Variants in CSMD1 observed in about 807,000 individuals in gnomAD.
The protein encoded by CSMD1 is CUB and Sushi multiple domains 1.
A neutral mutation model predicts 417.5 loss-of-function variants in CSMD1; 213 were observed. That is an observed-to-expected ratio of 0.51 (90% CI 0.46 to 0.57). CSMD1 has a LOEUF of 0.57. Ranked by LOEUF, CSMD1 falls within the 20% of genes least tolerant of loss-of-function variation. The probability of loss-of-function intolerance (pLI) is 0.00; values close to 1 mark genes in which losing one functional copy is unlikely to be tolerated. For synonymous variants in CSMD1, 2,862 were observed against 1,736.8 expected (o/e 1.65, Z -16.11); for missense variants, 6,923 against 4,529.7 (o/e 1.53, Z -15.17).
chr8:3,357,318 T>C (rs953209757), intron 21 of CSMD1, among the ~76,000 whole-genome samples: 2 of 152,220 alleles, frequency 1.3e-5, no homozygotes, highest in African/African-American at 4.8e-5. Context: ...CTCTGTGTCC[T>C]TGGGCAAAGT....
chr8:3,998,892 C>G (rs929778590), intron 4 of CSMD1, among the ~76,000 whole-genome samples: 2 of 148,966 alleles, frequency 1.3e-5, no homozygotes, highest in South Asian at 2.1e-4. Flanking sequence ...AACATATAAT[C>G]TATATGGTAG....
intron 2 of CSMD1, among the ~76,000 whole-genome samples, chr8:4,463,666 C>T (rs191389599): frequency 5.9e-5 from 9 of 152,068 alleles, no homozygotes; most frequent in Non-Finnish European, 1.3e-4. Context: ...CATTTTGTAC[C>T]ATTGCACTTA....
At chr8:3,011,244 G>A (rs1808360441) in intron 52 of CSMD1, among the ~76,000 whole-genome samples, 1 of 152,108 alleles carries the variant, frequency 6.6e-6, no homozygotes, top group South Asian at 2.1e-4. Context: ...CAATGCATTT[G>A]GAAAATCTGA....
At chr8:3,750,065 A>C (rs996972958) in intron 6 of CSMD1, among the ~76,000 whole-genome samples, 4 of 152,158 alleles carry the variant, frequency 2.6e-5, no homozygotes, top group African/African-American at 9.6e-5. Context: ...AAAATTTGGA[A>C]TTTCAAGCTG....
chr8:4,656,894 T>A (rs1383348563), intron 1 of CSMD1, among the ~76,000 whole-genome samples: 2 of 151,900 alleles, frequency 1.3e-5, no homozygotes, highest in Non-Finnish European at 2.9e-5. Context: ...ATCTTATCTG[T>A]CCTAATCCAT....
Position 3,449,520 on chromosome 8 carries a change from ATT to A in CSMD1, c.1561+19190_1561+19191del, listed in dbSNP as rs59420305. Among the ~76,000 whole-genome samples, 73 of 145,988 alleles carry A rather than the reference ATT, an allele frequency of 5.0e-4. 1 individual carries two copies. Among genetic ancestry groups the A allele is most frequent in the Admixed American group, 1.1e-3 (16 of 14,530 alleles). The stretch of plus-strand genomic sequence containing the variant: ...AATGAACATACCTCTCATGACAGCA[ATT>A]TTTTTTTTTTTTAAGATGGAGTTTC... On this transcript the variant is annotated intron_variant, in intron 12 of 69. Coordinates refer to ENST00000635120, the MANE Select transcript of CSMD1 (RefSeq NM_033225.6).
rs539043125 is a variant in CSMD1 at position 4,373,375 on chromosome 8, G to C, written c.415+46578C>G. The stretch of plus-strand genomic sequence containing the variant: ...ACGTGTCACTGTTGGTTTATTAACT[G>C]CAACAAATGTGCCACCAGAATATAA... On this transcript the variant is annotated intron_variant, in intron 3 of 69. Coordinates refer to ENST00000635120, the MANE Select transcript of CSMD1 (RefSeq NM_033225.6). Among the ~76,000 whole-genome samples, 5 of 152,214 alleles carry C rather than the reference G, an allele frequency of 3.3e-5. No individual in the cohort carries two copies. In the South Asian group the frequency reaches 1.0e-3, roughly 31 times the overall value.
At chr8:4,466,847 T>G (rs1362389990) in intron 2 of CSMD1, among the ~76,000 whole-genome samples, 2 of 152,162 alleles carry the variant, frequency 1.3e-5, no homozygotes, top group African/African-American at 4.8e-5. Context: ...GGGGAAACAT[T>G]ATTCCAAGAT....
chr8:3,210,680 C>G (rs965984815), intron 30 of CSMD1, among the ~76,000 whole-genome samples: 1 of 147,326 alleles, frequency 6.8e-6, no homozygotes, highest in Non-Finnish European at 1.5e-5. Context: ...ATATACACAC[C>G]TATATATGTA....
intron 2 of CSMD1, among the ~76,000 whole-genome samples, chr8:4,425,440 G>A (rs1797493776): frequency 6.6e-6 from 1 of 151,640 alleles, no homozygotes; most frequent in Non-Finnish European, 1.5e-5. Context: ...AGGATGAGTG[G>A]ATCCAATTGA....
chr8:3,616,327 C>T (rs1435910334), intron 8 of CSMD1, among the ~76,000 whole-genome samples: 1 of 152,038 alleles, frequency 6.6e-6, no homozygotes, highest in Non-Finnish European at 1.5e-5. Flanking sequence ...GGATTTTCCT[C>T]CACTTCGCTC....
At chr8:4,372,557 G>A (rs1005239341) in intron 3 of CSMD1, among the ~76,000 whole-genome samples, 3 of 151,732 alleles carry the variant, frequency 2.0e-5, no homozygotes, top group Non-Finnish European at 4.4e-5. Flanking sequence ...CCTTTTGGAG[G>A]AATGGCTGTT....
chr8:3,760,573 C>G (rs924308927), intron 5 of CSMD1, among the ~76,000 whole-genome samples: 1 of 152,226 alleles, frequency 6.6e-6, no homozygotes, highest in Non-Finnish European at 1.5e-5. Context: ...ACACATTGTT[C>G]TAACATTTTA....
intron 7 of CSMD1, among the ~76,000 whole-genome samples, chr8:3,643,302 G>A (rs1032847009): frequency 6.6e-6 from 1 of 152,024 alleles, no homozygotes. Flanking sequence ...AGGAGGGACG[G>A]GCAAAGAAAG....
At chr8:4,029,308 G>C (rs562456988) in intron 4 of CSMD1, among the ~76,000 whole-genome samples, 232 of 152,268 alleles carry the variant, frequency 1.5e-3, no homozygotes, top group African/African-American at 5.4e-3. Flanking sequence ...TTTCACGCTG[G>C]TGATAATGCA....
rs182444274 is a variant in CSMD1, at chr8:4,007,492, G to T, written c.611-9382C>A. On this transcript the variant is annotated intron_variant, in intron 4 of 69. Transcript: ENST00000635120. ...CCCCTCACAAGGCACTTTCCTGCCC[G>T]CCCTCTCTGGCCACCATATTTAAAC... Among the ~76,000 whole-genome samples the T allele has an allele frequency of 3.2e-4, 49 of 151,962 alleles. No individual in the cohort carries two copies. In the East Asian group the frequency reaches 9.0e-3, roughly 28 times the overall value.
chr8:4,646,470 T>C (rs986486981), intron 1 of CSMD1, among the ~76,000 whole-genome samples: 2 of 152,150 alleles, frequency 1.3e-5, no homozygotes, highest in Non-Finnish European at 2.9e-5. Flanking sequence ...GCATTTAAAC[T>C]CTGAGATGTA....
At chr8:4,943,884 G>T (rs10091128) in intron 1 of CSMD1, among the ~76,000 whole-genome samples, 78,280 of 152,054 alleles carry the variant, frequency 0.51, 21,367 homozygotes, top group East Asian at 0.79. Flanking sequence ...AGCCCAAAAC[G>T]CTTAAAGGTA....
chr8:3,952,365 C>T (rs1007668699), intron 5 of CSMD1, among the ~76,000 whole-genome samples: 4 of 152,156 alleles, frequency 2.6e-5, no homozygotes, highest in African/African-American at 7.2e-5. Context: ...TTGAACCAAA[C>T]ATAAAATAGA....
Sources: allele counts gnomAD v4.1 joint callset (sites outside exome capture counted in the v4.1 genomes callset), GRCh38; gene constraint gnomAD v4.1.1; transcripts MANE v1.5; gene names NCBI Gene and HGNC (gene_info 2026-07-23, HGNC 2026-07-21).